Variants in NLRP14 observed in about 807,000 individuals in gnomAD.
The protein encoded by NLRP14 is NLR family pyrin domain containing 14, also known as NACHT, LRR and PYD domains-containing protein 14.
In NLRP14, 105 loss-of-function variants were observed where a neutral mutation model predicts 94.7. That is an observed-to-expected ratio of 1.11 (90% CI 0.95 to 1.30). The LOEUF (loss-of-function observed/expected upper bound fraction) is 1.30. Among genes scored for constraint, NLRP14 ranks in the 50% most tolerant of loss-of-function variants. The pLI is 0.00. For missense variants in NLRP14, 1,362 were observed against 1,254.1 expected, an observed-to-expected ratio of 1.09 and a Z score of -1.30; for synonymous variants, 508 against 459.9, an observed-to-expected ratio of 1.10 and a Z score of -1.34.
At chr11:7,024,886 T>A (rs1350350873) in intron 1 of NLRP14, among the ~76,000 whole-genome samples, 1 of 151,720 alleles carries the variant, frequency 6.6e-6, no homozygotes, top group South Asian at 2.1e-4. Context: ...CCTGAAAGCA[T>A]AGAAGAGGAA....
intron 2 of NLRP14, among the ~76,000 whole-genome samples, chr11:7,039,461 A>C (rs1285726845): frequency 6.6e-6 from 1 of 152,128 alleles, no homozygotes; most frequent in East Asian, 1.9e-4. Flanking sequence ...AGGCTTATAC[A>C]CTACACTATT....
intron 5 of NLRP14, among the ~76,000 whole-genome samples, chr11:7,049,317 T>G (rs1005427018): frequency 6.6e-6 from 1 of 152,170 alleles, no homozygotes; most frequent in African/African-American, 2.4e-5. Context: ...TGATGCTAAT[T>G]TTGAATTAAC....
At chr11:7,033,947 G>A (rs996541336) in intron 1 of NLRP14, among the ~76,000 whole-genome samples, 4 of 152,148 alleles carry the variant, frequency 2.6e-5, no homozygotes, top group African/African-American at 7.2e-5. Context: ...TAGCACATAC[G>A]ATCACAATGA....
chr11:7,051,333 A>G (rs1032214270), intron 6 of NLRP14, among the ~76,000 whole-genome samples: 2 of 152,134 alleles, frequency 1.3e-5, no homozygotes. Flanking sequence ...TTTGCTTCAT[A>G]TCTCATGTTA....
chr11:7,053,469 T>TTATATATATATA, intron 6 of NLRP14, among the ~76,000 whole-genome samples: 1 of 146,924 alleles, frequency 6.8e-6, no homozygotes, highest in African/African-American at 2.5e-5. Context: ...ATGATTTAAA[T>TTATATATATATA]TATATATATA....
chr11:7,033,530 A>G (rs1283860557), intron 1 of NLRP14, among the ~76,000 whole-genome samples: 1 of 152,024 alleles, frequency 6.6e-6, no homozygotes, highest in Non-Finnish European at 1.5e-5. Flanking sequence ...TGAATATTAC[A>G]TTTACATTTA....
At chr11:7,060,541 C>G (rs1026901604) in intron 9 of NLRP14, among the ~76,000 whole-genome samples, 1 of 152,152 alleles carries the variant, frequency 6.6e-6, no homozygotes, top group Middle Eastern at 3.4e-3. Context: ...CCTAGTGAAT[C>G]TACTGTGTGT....
At chr11:7,075,292 G>T (rs190702830), downstream of NLRP14, among the ~76,000 whole-genome samples, 1 of 152,172 alleles carries the variant, frequency 6.6e-6, no homozygotes. Context: ...ACTATGCAAA[G>T]ACCTAGTATT....
downstream of NLRP14, among the ~76,000 whole-genome samples, chr11:7,072,023 A>C (rs191181968): frequency 3.9e-5 from 6 of 152,290 alleles, no homozygotes; most frequent in East Asian, 9.6e-4. Flanking sequence ...ATTTGGCAAG[A>C]GCGTGACACA....
the NLRP14 span, among the ~76,000 whole-genome samples, chr11:7,081,528 A>G: frequency 1.3e-5 from 2 of 152,168 alleles, no homozygotes; most frequent in African/African-American, 2.4e-5. Context: ...TGTTTATTAA[A>G]CAAAACATCT....
intron 5 of NLRP14, among the ~76,000 whole-genome samples, chr11:7,047,618 T>C (rs1012494249): frequency 1.3e-5 from 2 of 152,048 alleles, no homozygotes; most frequent in African/African-American, 4.8e-5. Flanking sequence ...TCCCTTTCTG[T>C]TCAATCTTCT....
chr11:7,043,015 T>A lies in NLRP14; in HGVS notation c.989T>A (p.Met330Lys), dbSNP rs916503856. 1.9e-6 allele frequency: 3 copies of A among 1,614,190 alleles called. No homozygotes were observed. Among genetic ancestry groups the A allele is most frequent in the Non-Finnish European group, 1.7e-6 (2 of 1,180,014 alleles). The change falls in exon 4 of 12, where the codon ATG (methionine) becomes AAG (lysine). Residue 330 changes from methionine (M) to lysine (K), a missense_variant. Physicochemically the swap from Met to Lys is moderately conservative, Grantham distance 95. Transcript: ENST00000299481. ...KNHHYVELLG[M>K]SEDAREEYIY... ...CACCATTATGTAGAGCTACTAGGAATGTCTGAGGATGCAAGAGAGGAGTAT... is the reference window on the plus strand; with the variant it reads ...CACCATTATGTAGAGCTACTAGGAAAGTCTGAGGATGCAAGAGAGGAGTAT...
rs1162925567 is a variant in NLRP14, at chr11:7,054,886, T to A, written c.2292-2791T>A. Reference sequence around the variant, plus strand: ...CTCAAGAAATCTTTGCCCAGTCCAATGTCCTGGAGCATTTCCCCTATGTTT... The same window carrying A: ...CTCAAGAAATCTTTGCCCAGTCCAAAGTCCTGGAGCATTTCCCCTATGTTT... On this transcript the variant is annotated intron_variant, in intron 6 of 11. Coordinates refer to ENST00000299481, the MANE Select transcript of NLRP14 (RefSeq NM_176822.4). Among the ~76,000 whole-genome samples, 70 of 152,166 alleles carry A rather than the reference T, an allele frequency of 4.6e-4. 1 individual carries two copies. Among genetic ancestry groups the A allele is most frequent in the Admixed American group, 4.6e-3 (70 of 15,266 alleles).
downstream of NLRP14, among the ~76,000 whole-genome samples, chr11:7,071,908 T>C (rs1852806158): frequency 6.6e-6 from 1 of 152,178 alleles, no homozygotes; most frequent in Admixed American, 6.5e-5. Flanking sequence ...GGGAGTCTAC[T>C]TCTACAATGA....
chr11:7,043,969 T>A lies in NLRP14; in HGVS notation c.1943T>A (p.Leu648His). ...GAGAAGAAGATATTAAAAACAAGCC[T>A]CCCAACTAACACTTGGTAAGTGTGT... ...VFEKKILKTS[L>H]PTNTWDGDRI... The change falls in exon 4 of 12, where the codon CTC becomes CAC. Residue 648 changes from leucine (L) to histidine (H), a missense_variant. Leu to His is a moderately conservative substitution (Grantham distance 99, BLOSUM62 -3). Coordinates refer to ENST00000299481, the MANE Select transcript of NLRP14 (RefSeq NM_176822.4). 2 of 1,614,134 alleles carry A rather than the reference T, an allele frequency of 1.2e-6. No individual in the cohort carries two copies. Among genetic ancestry groups the A allele is most frequent in the Non-Finnish European group, 1.7e-6 (2 of 1,179,996 alleles).
At chr11:7,033,670 G>GTT (rs1852125591) in intron 1 of NLRP14, among the ~76,000 whole-genome samples, 1 of 152,108 alleles carries the variant, frequency 6.6e-6, no homozygotes, top group African/African-American at 2.4e-5. Context: ...ACATTTTTCT[G>GTT]TTTTTGGTTG....
At chr11:7,038,205 A>C (rs1852188725) in intron 1 of NLRP14, among the ~76,000 whole-genome samples, 1 of 151,944 alleles carries the variant, frequency 6.6e-6, no homozygotes. Flanking sequence ...TGATATATGA[A>C]CCCTATCTTA....
chr11:7,045,714 C>T (rs1267251491), intron 4 of NLRP14, among the ~76,000 whole-genome samples: 1 of 151,836 alleles, frequency 6.6e-6, no homozygotes, highest in African/African-American at 2.4e-5. Flanking sequence ...TAAGGCAACA[C>T]ACTAGACTTT....
Position 7,043,886 on chromosome 11 carries a change from C to T in NLRP14, c.1860C>T (p.Phe620=). The part of the protein sequence containing the change: ...CEKIHLLVSS[F]CLKHCRCLRT... ...AAATACATTTGCTTGTATCTTCTTT[C>T]TGCCTTAAGCACTGCCGGTGTTTGC... The change falls in exon 4 of 12, where the codon TTC becomes TTT. Residue 620 remains phenylalanine (F), a synonymous_variant. Transcript: ENST00000299481. The T allele has an allele frequency of 6.2e-7, 1 of 1,614,120 alleles. No homozygotes were observed. The highest frequency in any genetic ancestry group is 2.2e-5 in the East Asian group (1 of 44,882).
Sources: allele counts gnomAD v4.1 joint callset (sites outside exome capture counted in the v4.1 genomes callset), GRCh38; gene constraint gnomAD v4.1.1; transcripts MANE v1.5; gene names NCBI Gene and HGNC (gene_info 2026-07-23, HGNC 2026-07-21).